SLC8A2: variants seen among roughly 807,000 people sequenced by gnomAD.
SLC8A2 encodes the protein solute carrier family 8 member A2, also known as sodium/calcium exchanger 2.
SLC8A2 carries 14 observed loss-of-function variants against 70.2 expected under a neutral mutation model. The observed-to-expected ratio is 0.20, with a 90% CI of 0.13 to 0.31. The LOEUF (loss-of-function observed/expected upper bound fraction) is 0.31. Among genes scored for constraint, SLC8A2 ranks in the 10% least tolerant of loss-of-function variants. SLC8A2 has a pLI of 1.00. For synonymous variants in SLC8A2, 575 were observed against 594.3 expected (o/e 0.97, Z 0.47); for missense variants, 779 against 1,320.1 (o/e 0.59, Z 6.35).
intron 1 of SLC8A2, among the ~76,000 whole-genome samples, chr19:47,469,119 CGTGTGTGTGTGTGTGTGTGT>C (rs10670696): frequency 7.0e-6 from 1 of 143,162 alleles, no homozygotes; most frequent in Non-Finnish European, 1.5e-5. Flanking sequence ...TGCCTGTGTG[CGTGTGTGTGTGTGTGTGTGT>C]GTGTGTGTGT....
At chr19:47,441,270 T>G in intron 5 of SLC8A2, 67 bp downstream of exon 5, 3 of 1,585,736 alleles carry the variant, frequency 1.9e-6, no homozygotes, top group Non-Finnish European at 2.6e-6. Flanking sequence ...TGCCTGCAAT[T>G]GAGCCCCTGA....
intron 2 of SLC8A2, among the ~76,000 whole-genome samples, chr19:47,458,915 ACC>A (rs1967352657): frequency 1.2e-5 from 1 of 80,210 alleles, no homozygotes; most frequent in Non-Finnish European, 2.6e-5. Context: ...CCTTTCTCCC[ACC>A]CCTTTCCATC....
At chr19:47,464,535 C>T (rs1028412093) in intron 2 of SLC8A2, among the ~76,000 whole-genome samples, 2 of 152,182 alleles carry the variant, frequency 1.3e-5, no homozygotes, top group African/African-American at 4.8e-5. Flanking sequence ...CTTTCTCTCT[C>T]CCTCTTTCAG....
chr19:47,435,550 GTT>G (rs895524785), intron 8 of SLC8A2, among the ~76,000 whole-genome samples: 12 of 133,282 alleles, frequency 9.0e-5, no homozygotes, highest in Non-Finnish European at 9.6e-5. Context: ...TCTTTTCTTC[GTT>G]TTTTTTTTTT....
intron 1 of SLC8A2, among the ~76,000 whole-genome samples, chr19:47,471,111 A>G (rs147385105): frequency 6.6e-6 from 1 of 150,730 alleles, no homozygotes; most frequent in Non-Finnish European, 1.5e-5. Flanking sequence ...AGAGATGGAG[A>G]CGAGGGGGAG....
At position 47,455,510 on chromosome 19, in the gene SLC8A2, G is replaced by A. The variant is rs541779741; in HGVS notation, c.1340+1420C>T. Among the ~76,000 whole-genome samples the A allele has an allele frequency of 2.0e-5, 3 of 152,212 alleles. No homozygotes were observed. The South Asian group carries it at 6.2e-4, about 32-fold the overall frequency. ...TTATGAGTTTTGTTCACCACTAGTC[G>A]CCGGTGCCAGATCTGTTTGTTTCTT... On this transcript the variant is annotated intron_variant, in intron 3 of 9. Transcript: ENST00000236877.
intron 6 of SLC8A2, 73 bp from the exon 7 acceptor site, chr19:47,438,046 G>A: frequency 3.2e-6 from 5 of 1,575,142 alleles, no homozygotes; most frequent in South Asian, 1.1e-5. Flanking sequence ...TTTACTACCT[G>A]TCCCCATAGT....
chr19:47,454,686 A>T (rs186267010), intron 3 of SLC8A2, among the ~76,000 whole-genome samples: 1 of 152,158 alleles, frequency 6.6e-6, no homozygotes, highest in Admixed American at 6.5e-5. Context: ...GGAGGGAAAG[A>T]CCTGCAAATG....
In SLC8A2 at chr19:47,458,842, CCTT is replaced by C. The variant is rs560338939; in HGVS notation, c.676-1251_676-1249del. On this transcript the variant is annotated intron_variant, in intron 2 of 9. Transcript: ENST00000236877. ...CGTTTCTCTCTCTCCTTTCCCTTGT[CCTT>C]CTCTTAGTTTCTATTTCCCTCTTGT... 3.7e-3 allele frequency among the ~76,000 whole-genome samples: 561 copies of C among 151,272 alleles called. 2 individuals are homozygous for C. The highest frequency in any genetic ancestry group is 0.013 in the African/African-American group (528 of 41,134).
intron 6 of SLC8A2, among the ~76,000 whole-genome samples, chr19:47,440,110 A>T (rs1209276297): frequency 1.3e-5 from 2 of 152,162 alleles, no homozygotes; most frequent in South Asian, 4.1e-4. Context: ...CTCCAAAATG[A>T]CTTTGTCCAT....
intron 2 of SLC8A2, among the ~76,000 whole-genome samples, chr19:47,463,440 C>T (rs978977786): frequency 6.8e-6 from 1 of 147,954 alleles, no homozygotes; most frequent in Non-Finnish European, 1.5e-5. Flanking sequence ...GCCCAGAAAC[C>T]TTTTCTTTAG....
intron 2 of SLC8A2, among the ~76,000 whole-genome samples, chr19:47,458,687 A>G (rs1967349046): frequency 7.6e-6 from 1 of 132,124 alleles, no homozygotes; most frequent in African/African-American, 2.9e-5. Context: ...GCCTCTCCCC[A>G]TGTCTGGACG....
At chr19:47,455,597 C>T (rs1967294757) in intron 3 of SLC8A2, among the ~76,000 whole-genome samples, 1 of 152,150 alleles carries the variant, frequency 6.6e-6, no homozygotes, top group African/African-American at 2.4e-5. Context: ...CATGAATTAA[C>T]AACACATACT....
chr19:47,434,913 G>C (rs1967006958), intron 8 of SLC8A2, among the ~76,000 whole-genome samples: 1 of 152,084 alleles, frequency 6.6e-6, no homozygotes, highest in Non-Finnish European at 1.5e-5. Context: ...TGGCACTCAA[G>C]ACACGATAGG....
intron 4 of SLC8A2, among the ~76,000 whole-genome samples, chr19:47,444,794 G>A (rs1967140619): frequency 6.6e-6 from 1 of 152,164 alleles, no homozygotes; most frequent in South Asian, 2.1e-4. Flanking sequence ...AGGACTTCCT[G>A]AGATCAAAGG....
Position 47,468,690 on chromosome 19 carries a change from C to A in SLC8A2, c.-16-2271G>T. On this transcript the variant is annotated intron_variant, in intron 1 of 9. Transcript: ENST00000236877. This position sits in a 1 kb window ranked among gnomAD's most constrained non-coding sequence, Gnocchi z 5.1. ...ACCCCATCCAAAATGACACCCTCCC[C>A]CTCTGGGGAGCACCCCTCCATTCCA... Among the ~76,000 whole-genome samples, 1 of 152,264 alleles carries A rather than the reference C, an allele frequency of 6.6e-6. No individual in the cohort carries two copies. The highest frequency in any genetic ancestry group is 2.4e-5 in the African/African-American group (1 of 41,544).
rs1034397966 is a variant in SLC8A2, at chr19:47,430,176, G to A, written c.2679C>T (p.Leu893=). The A allele has an allele frequency of 6.3e-7, 1 of 1,599,584 alleles. No homozygotes were observed. Among genetic ancestry groups the A allele is most frequent in the Non-Finnish European group, 8.5e-7 (1 of 1,173,198 alleles). ...GGCCCAGGAAGAGCGCGGTGGTGGC[G>A]AGCTTGGGTCCGCGCGGGCCGCCCA... ...GELGGPRGPK[L]ATTALFLGLW... Residue 893 remains leucine (L), a synonymous_variant, in exon 10 of 10, where the codon CTC becomes CTT. Transcript: ENST00000236877. The surrounding 1 kb of genome is among the most constrained non-coding windows in gnomAD (Gnocchi z 5.9).
chr19:47,461,188 C>CA (rs1263335849), intron 2 of SLC8A2, among the ~76,000 whole-genome samples: 17 of 140,192 alleles, frequency 1.2e-4, no homozygotes, highest in South Asian at 9.1e-4. Flanking sequence ...GACTCTGTTT[C>CA]AAAAAAAAAA....
intron 3 of SLC8A2, among the ~76,000 whole-genome samples, chr19:47,449,749 A>T (rs1967212917): frequency 6.6e-6 from 1 of 152,208 alleles, no homozygotes; most frequent in African/African-American, 2.4e-5. Flanking sequence ...CAGGGAGACC[A>T]GCATGATGAC....
Sources: gnomAD v4.1 joint callset for allele counts (sites outside exome capture counted in the v4.1 genomes callset) on GRCh38, gnomAD v4.1.1 for gene constraint, Gnocchi (gnomAD v3.1) non-coding constraint, MANE v1.5 for transcripts, NCBI Gene and HGNC (gene_info 2026-07-23, HGNC 2026-07-21) for gene names.